The following CACNA1E variants were observed in gnomAD, a reference collection of about 807,000 sequenced individuals.
CACNA1E encodes voltage-dependent R-type calcium channel subunit alpha-1E.
A neutral mutation model predicts 259.2 loss-of-function variants in CACNA1E; 40 were observed. The ratio of observed to expected loss-of-function variants is 0.15; its 90% CI spans 0.12 to 0.20. The LOEUF is 0.20. Ranked by LOEUF, CACNA1E falls within the 10% of genes least tolerant of loss-of-function variation. CACNA1E has a pLI of 1.00. For synonymous variants in CACNA1E, 1,104 were observed against 1,138.5 expected (o/e 0.97, Z 0.61); for missense variants, 1,874 against 3,040.1 (o/e 0.62, Z 9.02).
intron 18 of CACNA1E, among the ~76,000 whole-genome samples, chr1:181,730,137 T>G (rs2102535088): frequency 6.6e-6 from 1 of 152,318 alleles, no homozygotes; most frequent in Admixed American, 6.5e-5. Flanking sequence ...AGTCCCACCC[T>G]TGTGTGGGGC....
At chr1:181,689,156 G>A (rs56841995) in intron 7 of CACNA1E, among the ~76,000 whole-genome samples, 17,883 of 149,518 alleles carry the variant, frequency 0.12, 1,096 homozygotes, top group Middle Eastern at 0.16. Context: ...GACAGGCCCC[G>A]GTGTGTGATG....
At position 181,489,874 on chromosome 1, in the gene CACNA1E, C is replaced by T. The variant is rs1013257851; in HGVS notation, c.266+5864C>T. On this transcript the variant is annotated intron_variant, in intron 1 of 47. Transcript: ENST00000367573. ...GATGTGGCTTCTAAAGCAGTCCCTT[C>T]CACAGAGGGATAGAAACATGAGGGG... Among the ~76,000 whole-genome samples the T allele has an allele frequency of 3.9e-5, 6 of 152,322 alleles. No homozygotes were observed. In the South Asian group the frequency reaches 1.2e-3, roughly 32 times the overall value.
intron 3 of CACNA1E, among the ~76,000 whole-genome samples, chr1:181,567,710 A>G (rs1178541807): frequency 1.3e-5 from 2 of 152,192 alleles, no homozygotes; most frequent in Non-Finnish European, 2.9e-5. Flanking sequence ...TCATTCTGGG[A>G]TAACACCAAG....
intron 7 of CACNA1E, among the ~76,000 whole-genome samples, chr1:181,669,783 C>T (rs1648608375): frequency 6.6e-6 from 1 of 152,150 alleles, no homozygotes; most frequent in Admixed American, 6.5e-5. Context: ...GCATAATTCC[C>T]CTGAAACCCA....
chr1:181,561,281 T>G (rs1282526081), intron 3 of CACNA1E, among the ~76,000 whole-genome samples: 1 of 152,184 alleles, frequency 6.6e-6, no homozygotes, highest in African/African-American at 2.4e-5. Flanking sequence ...ATACTGACAT[T>G]TTTTTGAAGT....
chr1:181,510,663 C>A, intron 2 of CACNA1E, 81 bp downstream of exon 2: 1 of 872,666 alleles, frequency 1.1e-6, no homozygotes, highest in Non-Finnish European at 1.9e-6. Flanking sequence ...CTCTCCCATT[C>A]CCTTCCTGCC....
At chr1:181,726,203 G>T (rs1036977371) in intron 18 of CACNA1E, 41 bp downstream of exon 18, 1 of 1,382,564 alleles carries the variant, frequency 7.2e-7, no homozygotes, top group African/African-American at 1.4e-5. Context: ...GAGCTCCTGT[G>T]CTAACAGCCA....
intron 21 of CACNA1E, among the ~76,000 whole-genome samples, chr1:181,735,570 C>T (rs1655959695): frequency 6.6e-6 from 1 of 152,250 alleles, no homozygotes; most frequent in Non-Finnish European, 1.5e-5. Context: ...AGAGCAGCAG[C>T]TGAGAGCTCC....
intron 37 of CACNA1E, 23 bp downstream of exon 37, chr1:181,772,254 C>T: frequency 1.2e-6 from 2 of 1,605,806 alleles, no homozygotes; most frequent in Non-Finnish European, 1.7e-6. Flanking sequence ...GTGCTTTTGC[C>T]TTGCTATGTG....
In CACNA1E at chr1:181,426,532, A is replaced by G. The variant is rs558619071; in HGVS notation, c.434+12952A>G. On this transcript the variant is annotated intron_variant, in intron 2 of 11. Transcript: ENST00000524607. ...TCCTGTCTCAACCCCTTCACAACTC[A>G]ACCCCTTAACAACAGAACCCCTTCC... 4.2e-5 allele frequency among the ~76,000 whole-genome samples: 6 copies of G among 144,564 alleles called. No homozygotes were observed. The South Asian group carries it at 1.3e-3, about 32-fold the overall frequency. The allele number at this position is 144,564 out of a possible 152,430, so 94.8% of individuals were successfully genotyped here.
intron 2 of CACNA1E, among the ~76,000 whole-genome samples, chr1:181,461,650 T>C (rs1193771965): frequency 6.6e-6 from 1 of 152,080 alleles, no homozygotes; most frequent in African/African-American, 2.4e-5. Flanking sequence ...GGGGCATTTT[T>C]CCCCTTGATG....
intron 7 of CACNA1E, among the ~76,000 whole-genome samples, chr1:181,681,248 C>T (rs1296869342): frequency 6.6e-6 from 1 of 152,192 alleles, no homozygotes; most frequent in African/African-American, 2.4e-5. Flanking sequence ...ATCCATGTCC[C>T]CAACTTCTGC....
At chr1:181,511,257 T>A (rs1666141147) in intron 2 of CACNA1E, 114 bp from the exon 3 acceptor site, 2 of 1,262,212 alleles carry the variant, frequency 1.6e-6, no homozygotes, top group Non-Finnish European at 2.3e-6. Flanking sequence ...GCTTCCCACC[T>A]ACACATGGGC....
At chr1:181,355,458 C>T (rs561845579) in intron 1 of CACNA1E, among the ~76,000 whole-genome samples, 6 of 152,130 alleles carry the variant, frequency 3.9e-5, no homozygotes, top group South Asian at 4.2e-4. Flanking sequence ...CATGATGGCA[C>T]GTGCCTGTAA....
chr1:181,722,567 G>T (rs1322551813), intron 16 of CACNA1E, among the ~76,000 whole-genome samples: 1 of 152,190 alleles, frequency 6.6e-6, no homozygotes. Context: ...GTTACTTAAT[G>T]ACTCCAAGCT....
intron 1 of CACNA1E, among the ~76,000 whole-genome samples, chr1:181,504,434 G>A (rs1393613117): frequency 6.6e-6 from 1 of 152,210 alleles, no homozygotes; most frequent in African/African-American, 2.4e-5. Context: ...CATAGGCTCT[G>A]GGAGGAGACA....
At chr1:181,781,119 G>A (rs1391736560) in intron 38 of CACNA1E, among the ~76,000 whole-genome samples, 1 of 152,200 alleles carries the variant, frequency 6.6e-6, no homozygotes, top group African/African-American at 2.4e-5. Flanking sequence ...TTCCCATGGA[G>A]AGTCATAGGG....
chr1:181,477,584 T>C (rs1662945284), intron 2 of CACNA1E, among the ~76,000 whole-genome samples: 1 of 152,204 alleles, frequency 6.6e-6, no homozygotes, highest in African/African-American at 2.4e-5. Context: ...TCTACTATTT[T>C]TTTTTCCTTT....
At chr1:181,323,768 A>G (rs1650551793) in intron 1 of CACNA1E, among the ~76,000 whole-genome samples, 1 of 152,242 alleles carries the variant, frequency 6.6e-6, no homozygotes, top group Non-Finnish European at 1.5e-5. Context: ...AAAAAGTTCC[A>G]CCCTTTCCTT....
Sources: allele counts gnomAD v4.1 joint callset (sites outside exome capture counted in the v4.1 genomes callset), GRCh38; gene constraint gnomAD v4.1.1; transcripts MANE v1.5; gene names NCBI Gene and HGNC (gene_info 2026-07-23, HGNC 2026-07-21).